ROBO2: variants seen among roughly 807,000 people sequenced by gnomAD.
ROBO2 encodes the protein roundabout homolog 2.
ROBO2 carries 53 observed loss-of-function variants against 160.8 expected under a neutral mutation model. That is an observed-to-expected ratio of 0.33 (90% CI 0.26 to 0.41). The LOEUF (loss-of-function observed/expected upper bound fraction) is 0.41. ROBO2 is among the 10% of genes least tolerant of loss of function. ROBO2 has a pLI of 1.00. For synonymous variants in ROBO2, 664 were observed against 611.7 expected (o/e 1.09, Z -1.26); for missense variants, 1,577 against 1,722.4 (o/e 0.92, Z 1.49).
intron 2 of ROBO2, among the ~76,000 whole-genome samples, chr3:76,930,085 G>A (rs779177247): frequency 2.0e-5 from 3 of 152,164 alleles, no homozygotes; most frequent in South Asian, 2.1e-4. Context: ...GTGCAGTGCC[G>A]TGATCTCAGC....
intron 2 of ROBO2, among the ~76,000 whole-genome samples, chr3:76,449,247 C>T (rs1006480815): frequency 6.6e-6 from 1 of 151,840 alleles, no homozygotes; most frequent in Non-Finnish European, 1.5e-5. Flanking sequence ...TAAATTATAT[C>T]CAAAAATGAA....
chr3:76,690,948 G>A (rs1472609763), intron 2 of ROBO2, among the ~76,000 whole-genome samples: 1 of 152,076 alleles, frequency 6.6e-6, no homozygotes, highest in Non-Finnish European at 1.5e-5. Flanking sequence ...AGCCTGGCAT[G>A]CTGGCATGTA....
At chr3:77,545,066 A>C (rs2092644268) in intron 6 of ROBO2, among the ~76,000 whole-genome samples, 2 of 151,984 alleles carry the variant, frequency 1.3e-5, no homozygotes. Flanking sequence ...CACCTGTACC[A>C]TTTTACTAGC....
At chr3:76,991,650 A>G (rs1316264347) in intron 2 of ROBO2, among the ~76,000 whole-genome samples, 3 of 152,212 alleles carry the variant, frequency 2.0e-5, no homozygotes, top group Non-Finnish European at 4.4e-5. Context: ...ATTCTTTACC[A>G]TAGAAAATCT....
chr3:76,212,258 C>T (rs573056115), intron 2 of ROBO2, among the ~76,000 whole-genome samples: 11 of 151,868 alleles, frequency 7.2e-5, no homozygotes, highest in South Asian at 2.1e-4. Context: ...GTGTAAATAA[C>T]GGAACATGGT....
chr3:76,703,394 C>A (rs1576098411), intron 2 of ROBO2, among the ~76,000 whole-genome samples: 2 of 152,166 alleles, frequency 1.3e-5, no homozygotes, highest in African/African-American at 4.8e-5. Flanking sequence ...GCTTTAAATT[C>A]TGGGACACAT....
At chr3:77,460,813 G>T (rs771856484) in intron 2 of ROBO2, among the ~76,000 whole-genome samples, 3 of 152,072 alleles carry the variant, frequency 2.0e-5, no homozygotes, top group Non-Finnish European at 4.4e-5. Context: ...TATTATATCT[G>T]CATTGGAGAT....
intron 2 of ROBO2, among the ~76,000 whole-genome samples, chr3:76,216,256 T>A (rs371399663): frequency 9.9e-5 from 15 of 152,228 alleles, no homozygotes; most frequent in African/African-American, 3.6e-4. Context: ...CATCAACTAA[T>A]GAGCAAAATA....
At chr3:77,480,306 A>AG (rs1354583591) in intron 3 of ROBO2, among the ~76,000 whole-genome samples, 1 of 151,698 alleles carries the variant, frequency 6.6e-6, no homozygotes, top group East Asian at 1.9e-4. Flanking sequence ...GAGTACCAAA[A>AG]AAAAAAAACT....
chr3:77,001,988 A>G (rs1422201621), intron 2 of ROBO2, among the ~76,000 whole-genome samples: 1 of 152,162 alleles, frequency 6.6e-6, no homozygotes, highest in Non-Finnish European at 1.5e-5. Flanking sequence ...ATTTTTAAAT[A>G]AAAGCATTTT....
At chr3:77,263,331 G>T (rs2058901189) in intron 2 of ROBO2, among the ~76,000 whole-genome samples, 1 of 152,086 alleles carries the variant, frequency 6.6e-6, no homozygotes, top group Non-Finnish European at 1.5e-5. Flanking sequence ...AGAGTTTGTT[G>T]TACAGATTAT....
At chr3:77,407,577 C>T (rs1339277463) in intron 2 of ROBO2, among the ~76,000 whole-genome samples, 1 of 152,146 alleles carries the variant, frequency 6.6e-6, no homozygotes, top group African/African-American at 2.4e-5. Context: ...GCCTACTGGC[C>T]TAAGGTTTCT....
At chr3:77,517,464 T>C (rs768666576) in intron 5 of ROBO2, among the ~76,000 whole-genome samples, 2 of 151,584 alleles carry the variant, frequency 1.3e-5, no homozygotes, top group Non-Finnish European at 3.0e-5. Flanking sequence ...ATAGGTTTTA[T>C]TCTGAGTGAC....
chr3:76,185,195 GATAT>G lies in ROBO2; in HGVS notation c.109+247611_109+247614del, dbSNP rs1219580267. ...TTCTAGGCTTCTATAAGTAAACACA[GATAT>G]ATATATATATATATATACACACACA... On this transcript the variant is annotated intron_variant, in intron 2 of 26. Transcript: ENST00000487694. 5.2e-4 allele frequency among the ~76,000 whole-genome samples: 23 copies of G among 44,524 alleles called. 2 individuals are homozygous for G. Among genetic ancestry groups the G allele is most frequent in the East Asian group, 3.0e-3 (3 of 1,008 alleles). The allele number at this position is 44,524 out of a possible 152,430, so 29.2% of individuals were successfully genotyped here. A position where few individuals can be genotyped will look rare whatever the true frequency, so the allele number is the denominator to read the frequency against.
At chr3:76,171,605 C>CT (rs1331381645) in intron 2 of ROBO2, among the ~76,000 whole-genome samples, 1 of 152,068 alleles carries the variant, frequency 6.6e-6, no homozygotes, top group Non-Finnish European at 1.5e-5. Flanking sequence ...TATTTTTCCT[C>CT]TTTTTTCTCT....
chr3:76,876,212 G>A (rs1321803063), intron 2 of ROBO2, among the ~76,000 whole-genome samples: 1 of 152,120 alleles, frequency 6.6e-6, no homozygotes, highest in African/African-American at 2.4e-5. Context: ...CTTTCTCCAT[G>A]GTTTTGCTGT....
chr3:75,928,861 CG>C (rs1220154176), intron 1 of ROBO2, among the ~76,000 whole-genome samples: 2 of 109,102 alleles, frequency 1.8e-5, no homozygotes, highest in Admixed American at 1.9e-4. Context: ...CTGGATAAGA[CG>C]TGTGTGTGTG....
At chr3:76,233,568 T>G (rs975665210) in intron 2 of ROBO2, among the ~76,000 whole-genome samples, 3 of 152,224 alleles carry the variant, frequency 2.0e-5, no homozygotes, top group Admixed American at 6.5e-5. Flanking sequence ...CTCTCCCATT[T>G]GAAAGTCCAG....
chr3:76,648,712 G>A (rs1286866297), intron 2 of ROBO2, among the ~76,000 whole-genome samples: 4 of 151,960 alleles, frequency 2.6e-5, no homozygotes, highest in African/African-American at 9.7e-5. Flanking sequence ...GGGTATATGA[G>A]TATCCACTGT....
Sources: allele counts gnomAD v4.1 joint callset (sites outside exome capture counted in the v4.1 genomes callset), GRCh38; gene constraint gnomAD v4.1.1; transcripts MANE v1.5; gene names NCBI Gene and HGNC (gene_info 2026-07-23, HGNC 2026-07-21).